The following RPS6KC1 variants were observed in gnomAD, a reference collection of about 807,000 sequenced individuals.
The protein encoded by RPS6KC1 is inactive ribosomal protein S6 kinase delta-1.
RPS6KC1 carries 54 observed loss-of-function variants against 103.8 expected under a neutral mutation model. The observed-to-expected ratio is 0.52, with a 90% CI of 0.42 to 0.65. The LOEUF is 0.65. Among genes scored for constraint, RPS6KC1 ranks in the 30% least tolerant of loss-of-function variants. RPS6KC1 has a pLI of 0.00. For missense variants in RPS6KC1, 1,151 were observed against 1,253.8 expected, an observed-to-expected ratio of 0.92 and a Z score of 1.24; for synonymous variants, 439 against 438.7, an observed-to-expected ratio of 1.00 and a Z score of -0.01.
chr1:213,178,250 A>AT (rs1429778530), intron 8 of RPS6KC1, among the ~76,000 whole-genome samples: 2 of 151,180 alleles, frequency 1.3e-5, no homozygotes, highest in African/African-American at 4.9e-5. Context: ...TTAAAAAAAA[A>AT]GGAAAAATGC....
chr1:213,418,919 G>T, the RPS6KC1 span, among the ~76,000 whole-genome samples: 2 of 152,200 alleles, frequency 1.3e-5, no homozygotes, highest in African/African-American at 4.8e-5. Context: ...CCGGCTCACC[G>T]GGGTCTCCTG....
At chr1:213,471,821 C>T in the RPS6KC1 span, among the ~76,000 whole-genome samples, 1 of 151,146 alleles carries the variant, frequency 6.6e-6, no homozygotes, top group South Asian at 2.1e-4. Flanking sequence ...AACTTTGGTT[C>T]CAAGTATAAC....
the RPS6KC1 span, among the ~76,000 whole-genome samples, chr1:213,708,602 TGA>T: frequency 1.3e-5 from 2 of 152,186 alleles, no homozygotes; most frequent in African/African-American, 4.8e-5. Flanking sequence ...ATAGGAGTGG[TGA>T]GAGAGGGCAT....
chr1:213,602,014 TTCTTTCTTTCTTTCTCTTTC>T, the RPS6KC1 span, among the ~76,000 whole-genome samples: 1 of 27,010 alleles, frequency 3.7e-5, no homozygotes, highest in Non-Finnish European at 8.4e-5. Flanking sequence ...TTCTTTTCTT[TTCTTTCTTTCTTTCTCTTTC>T]TCTTTCTTTC....
chr1:213,682,092 C>A, the RPS6KC1 span, among the ~76,000 whole-genome samples: 9 of 152,202 alleles, frequency 5.9e-5, no homozygotes, highest in African/African-American at 1.7e-4. Context: ...TCCTGGTTTG[C>A]TGAGGACAGT....
intron 6 of RPS6KC1, among the ~76,000 whole-genome samples, chr1:213,131,390 T>A (rs1187855352): frequency 6.6e-6 from 1 of 152,180 alleles, no homozygotes; most frequent in Non-Finnish European, 1.5e-5. Flanking sequence ...GTTTTCTTGC[T>A]TTGATGGAAA....
At chr1:213,446,390 T>C in the RPS6KC1 span, among the ~76,000 whole-genome samples, 2 of 152,318 alleles carry the variant, frequency 1.3e-5, no homozygotes, top group African/African-American at 4.8e-5. Flanking sequence ...GATTGGCTCA[T>C]GCAATGGTGG....
At chr1:213,674,049 C>G in the RPS6KC1 span, among the ~76,000 whole-genome samples, 1 of 152,002 alleles carries the variant, frequency 6.6e-6, no homozygotes, top group Non-Finnish European at 1.5e-5. Flanking sequence ...GACAGAGTCT[C>G]GCTATGTTGC....
chr1:213,672,902 G>T, the RPS6KC1 span, among the ~76,000 whole-genome samples: 1 of 152,042 alleles, frequency 6.6e-6, no homozygotes. Flanking sequence ...TTCCCATCAG[G>T]CCAGAAACCT....
the RPS6KC1 span, among the ~76,000 whole-genome samples, chr1:213,377,554 T>A: frequency 2.6e-5 from 4 of 152,370 alleles, no homozygotes; most frequent in African/African-American, 7.2e-5. Context: ...CAGTTCCTTC[T>A]GTCCTGGAGT....
At chr1:213,103,946 C>T (rs960801332) in intron 3 of RPS6KC1, among the ~76,000 whole-genome samples, 15 of 152,150 alleles carry the variant, frequency 9.9e-5, no homozygotes, top group Non-Finnish European at 1.9e-4. Flanking sequence ...ATGCTGACAG[C>T]ATCACACGTT....
chr1:213,477,408 C>T, the RPS6KC1 span, among the ~76,000 whole-genome samples: 1 of 151,548 alleles, frequency 6.6e-6, no homozygotes. Context: ...TTAAAATCTC[C>T]CACTATTGTA....
chr1:213,779,649 T>C, the RPS6KC1 span, among the ~76,000 whole-genome samples: 34,405 of 152,050 alleles, frequency 0.23, 4,270 homozygotes, highest in Middle Eastern at 0.33. Context: ...GAGGAAGTCA[T>C]AGAATCAATG....
the RPS6KC1 span, among the ~76,000 whole-genome samples, chr1:213,649,459 C>G: frequency 6.6e-6 from 1 of 152,094 alleles, no homozygotes; most frequent in Admixed American, 6.5e-5. Flanking sequence ...ACAGGAGCCA[C>G]AAGCCATTCT....
chr1:213,427,454 A>T, the RPS6KC1 span, among the ~76,000 whole-genome samples: 1 of 152,196 alleles, frequency 6.6e-6, no homozygotes, highest in African/African-American at 2.4e-5. Flanking sequence ...TCAAAGGCCA[A>T]ATTTTAGCCC....
chr1:213,484,059 C>G, the RPS6KC1 span, among the ~76,000 whole-genome samples: 3 of 152,256 alleles, frequency 2.0e-5, no homozygotes, highest in East Asian at 3.9e-4. Context: ...GTGAGACTCT[C>G]TCTTTATTTT....
chr1:213,344,978 A>G, the RPS6KC1 span, among the ~76,000 whole-genome samples: 1 of 152,246 alleles, frequency 6.6e-6, no homozygotes, highest in Non-Finnish European at 1.5e-5. Flanking sequence ...ATAAATGAAT[A>G]TATGAAGAAA....
chr1:213,449,952 C>G, the RPS6KC1 span, among the ~76,000 whole-genome samples: 1 of 152,184 alleles, frequency 6.6e-6, no homozygotes, highest in South Asian at 2.1e-4. Context: ...ACACCCATTT[C>G]CCCACTCTTC....
the RPS6KC1 span, among the ~76,000 whole-genome samples, chr1:213,355,228 A>C: frequency 6.6e-6 from 1 of 151,960 alleles, no homozygotes; most frequent in Non-Finnish European, 1.5e-5. Flanking sequence ...CAAAGGAAAA[A>C]AAAAAGAGAG....
Sources: gnomAD v4.1 joint callset for allele counts (sites outside exome capture counted in the v4.1 genomes callset) on GRCh38, gnomAD v4.1.1 for gene constraint, MANE v1.5 for transcripts, NCBI Gene and HGNC (gene_info 2026-07-23, HGNC 2026-07-21) for gene names.